SH3TC1: variants seen among roughly 807,000 people sequenced by gnomAD.
The protein encoded by SH3TC1 is SH3 domain and tetratricopeptide repeats 1, also known as SH3 domain and tetratricopeptide repeat-containing protein 1.
In SH3TC1, 135 loss-of-function variants were observed where a neutral mutation model predicts 117.3. That is an observed-to-expected ratio of 1.15 (90% CI 1.00 to 1.33). The LOEUF is 1.33. Ranked by LOEUF, SH3TC1 falls within the 40% of genes most tolerant of loss-of-function variation. The pLI is 0.00. For synonymous variants in SH3TC1, 898 were observed against 816.9 expected (o/e 1.10, Z -1.69); for missense variants, 2,092 against 1,794.3 (o/e 1.17, Z -3.00).
At position 8,227,907 on chromosome 4, in the gene SH3TC1, G is replaced by A. The variant is rs150708538; in HGVS notation, c.2213G>A (p.Arg738Gln). 19 of 1,612,632 alleles carry A rather than the reference G, an allele frequency of 1.2e-5. No homozygotes were observed. Among genetic ancestry groups the A allele is most frequent in the Non-Finnish European group, 1.4e-5 (17 of 1,179,970 alleles). Residue 738 changes from arginine (R) to glutamine (Q), a missense_variant, in exon 12 of 18, where the codon CGG becomes CAG. By Grantham distance (43) the Arg-to-Gln change is conservative. Coordinates refer to ENST00000245105, the MANE Select transcript of SH3TC1 (RefSeq NM_018986.5). ...GTCAAGGTGGCCTCATTGCGGACAC[G>A]GGGCTCGCTGGCCGGCTCGCTGAGG... ...SCVKVASLRT[R>Q]GSLAGSLRSV...
chr4:8,233,179 CT>C, intron 13 of SH3TC1, 183 bp from the exon 14 acceptor site: 1 of 1,398,048 alleles, frequency 7.2e-7, no homozygotes, highest in Non-Finnish European at 9.3e-7. Flanking sequence ...TGTCCTTCGT[CT>C]TTTCCTTGCC....
chr4:8,234,158 ATCCT>A (rs1441181637), intron 14 of SH3TC1, among the ~76,000 whole-genome samples: 8 of 69,264 alleles, frequency 1.2e-4, no homozygotes, highest in East Asian at 3.6e-4. Context: ...CCATCCATCC[ATCCT>A]TCCATCATCC....
At chr4:8,191,592 A>G (rs1717417233) in intron 1 of SH3TC1, among the ~76,000 whole-genome samples, 1 of 151,876 alleles carries the variant, frequency 6.6e-6, no homozygotes, top group African/African-American at 2.4e-5. Flanking sequence ...CCGGGGGATG[A>G]CTCATCATGC....
At chr4:8,191,655 C>A (rs1021471417) in intron 1 of SH3TC1, among the ~76,000 whole-genome samples, 2 of 152,188 alleles carry the variant, frequency 1.3e-5, no homozygotes, top group African/African-American at 4.8e-5. Flanking sequence ...CTTATCATGC[C>A]GGCCCGGATA....
In SH3TC1 at chr4:8,209,840, T is replaced by C. The variant is rs756288274; in HGVS notation, c.247+18T>C. The stretch of plus-strand genomic sequence containing the variant: ...TCCCACAGGTAAACATCCTGGGCCC[T>C]ACACAGGGCTTCAGGTTCAAATCCG... On this transcript the variant is annotated intron_variant, in intron 3 of 17. Coordinates refer to ENST00000245105, the MANE Select transcript of SH3TC1 (RefSeq NM_018986.5). This position sits in a 1 kb window ranked among gnomAD's most constrained non-coding sequence, Gnocchi z 5.9. 2.0e-5 allele frequency: 33 copies of C among 1,610,286 alleles called. No individual in the cohort carries two copies. The South Asian group carries it at 2.4e-4, about 12-fold the overall frequency.
At chr4:8,221,494 G>A (rs904629621) in intron 9 of SH3TC1, among the ~76,000 whole-genome samples, 10 of 151,528 alleles carry the variant, frequency 6.6e-5, no homozygotes, top group African/African-American at 2.4e-4. Context: ...AGACTTAGAA[G>A]AAAGTTGCAA....
chr4:8,205,778 G>A lies in SH3TC1; in HGVS notation c.172+412G>A. 1 of 636,430 alleles carries A rather than the reference G, an allele frequency of 1.6e-6. No homozygotes were observed. The highest frequency in any genetic ancestry group is 2.9e-6 in the Non-Finnish European group (1 of 349,956). 39.4% of individuals were successfully genotyped at this position (636,430 alleles called of 1,614,324 possible). A position where few individuals can be genotyped will look rare whatever the true frequency, so the allele number is the denominator to read the frequency against. On this transcript the variant is annotated intron_variant, in intron 2 of 17. Transcript: ENST00000245105. This position sits in a 1 kb window ranked among gnomAD's most constrained non-coding sequence, Gnocchi z 5.4. ...TGCAGAGAGGGAAGGGCCGGGCCAG[G>A]CCACCCTGTGGTCAGGGGCCGGGCC...
chr4:8,218,372 T>G (rs1719528154), intron 8 of SH3TC1, 25 bp downstream of exon 8: 1 of 1,582,106 alleles, frequency 6.3e-7, no homozygotes, highest in Non-Finnish European at 8.7e-7. Flanking sequence ...GGGCCTCTCT[T>G]TTTTGGGGAA....
chr4:8,231,067 C>A (rs1353838759), intron 12 of SH3TC1: 1 of 152,332 alleles, frequency 6.6e-6, no homozygotes, highest in East Asian at 1.9e-4. Context: ...CAGGCATGAG[C>A]CATTGCTCTG....
In SH3TC1 at chr4:8,205,072, G is replaced by GCTGGTGTT; in HGVS notation, c.-28-92_-28-85dup. 1 of 1,020,072 alleles carries GCTGGTGTT rather than the reference G, an allele frequency of 9.8e-7. No individual in the cohort carries two copies. Among genetic ancestry groups the GCTGGTGTT allele is most frequent in the South Asian group, 2.0e-5 (1 of 50,756 alleles). 63.2% of individuals were successfully genotyped at this position (1,020,072 alleles called of 1,614,324 possible). On this transcript the variant is annotated intron_variant, in intron 1 of 17. Coordinates refer to ENST00000245105, the MANE Select transcript of SH3TC1 (RefSeq NM_018986.5). The surrounding 1 kb of genome is among the most constrained non-coding windows in gnomAD (Gnocchi z 5.4). Reference sequence around the variant, plus strand: ...CTGAAAGGTGCAGGCGCTCAGCAACGCTGGTGTTCTCTTTCTGGACCCCAG... The same window carrying GCTGGTGTT: ...CTGAAAGGTGCAGGCGCTCAGCAACGCTGGTGTTCTGGTGTTCTCTTTCTGGACCCCAG...
At position 8,217,043 on chromosome 4, in the gene SH3TC1, C is replaced by A. The variant is rs1719355781; in HGVS notation, c.715C>A (p.Gln239Lys). The change falls in exon 7 of 18, where the codon CAG becomes AAG. Residue 239 changes from glutamine to lysine, a missense_variant. Physicochemically the swap from Gln to Lys is moderately conservative, Grantham distance 53 (BLOSUM62 1). Transcript: ENST00000245105. ...AGGAAATGGCCCCCAGGCCCTCAGGCAGGCTTCGGGGGCACCCCAGGGAGA... is the reference window on the plus strand; with the variant it reads ...AGGAAATGGCCCCCAGGCCCTCAGGAAGGCTTCGGGGGCACCCCAGGGAGA... ...DAGNGPQALR[Q>K]ASGAPQGEAA... 6.2e-7 allele frequency: 1 copy of A among 1,613,328 alleles called. No individual in the cohort carries two copies. Among genetic ancestry groups the A allele is most frequent in the Non-Finnish European group, 8.5e-7 (1 of 1,179,642 alleles).
chr4:8,185,500 T>A (rs1006968393), intron 1 of SH3TC1, among the ~76,000 whole-genome samples: 1 of 151,964 alleles, frequency 6.6e-6, no homozygotes, highest in Non-Finnish European at 1.5e-5. Context: ...CTGTTGCCAA[T>A]GCATTCATCC....
chr4:8,195,577 C>CG (rs1717534063), upstream of SH3TC1, among the ~76,000 whole-genome samples: 1 of 152,180 alleles, frequency 6.6e-6, no homozygotes, highest in African/African-American at 2.4e-5. Flanking sequence ...AAACAGGATA[C>CG]GGGGTCTCCA....
At chr4:8,199,262 C>T (rs2152975968), upstream of SH3TC1, 1 of 152,416 alleles carries the variant, frequency 6.6e-6, no homozygotes, top group Admixed American at 6.5e-5. Flanking sequence ...TGCAGTCAGC[C>T]TGGCTGTGGG....
At chr4:8,234,160 C>G (rs548779477) in intron 14 of SH3TC1, among the ~76,000 whole-genome samples, 4 of 72,918 alleles carry the variant, frequency 5.5e-5, no homozygotes, top group Admixed American at 5.2e-4. Context: ...ATCCATCCAT[C>G]CTTCCATCAT....
At chr4:8,233,127 CCCAG>C (rs1391708283) in intron 13 of SH3TC1, 1 of 1,358,654 alleles carries the variant, frequency 7.4e-7, no homozygotes, top group Non-Finnish European at 9.5e-7. Flanking sequence ...AGCACGCTCC[CCCAG>C]CCACAGGGCA....
At chr4:8,215,558 G>A (rs987375318) in intron 5 of SH3TC1, among the ~76,000 whole-genome samples, 6 of 152,186 alleles carry the variant, frequency 3.9e-5, no homozygotes, top group Admixed American at 6.5e-5. Context: ...TCCACTCTAC[G>A]CTGAGTGTGG....
In SH3TC1 at chr4:8,237,591, C is replaced by G. The variant is rs191214030; in HGVS notation, c.3674C>G (p.Pro1225Arg). The change falls in exon 17 of 18, where the codon CCG becomes CGG. Residue 1225 changes from proline to arginine, a missense_variant. By Grantham distance (103) the Pro-to-Arg change is moderately radical. Transcript: ENST00000245105. ...YLKALSLCNS[P>R]LEFDEETLYY... ...AAGGCCCTGTCGCTCTGCAACTCGC[C>G]GCTGGAGTTTGACGAGGAGACCCTC... 1.2e-5 allele frequency: 19 copies of G among 1,612,384 alleles called. No individual in the cohort carries two copies. The highest frequency in any genetic ancestry group is 1.7e-5 in the Admixed American group (1 of 59,888).
chr4:8,234,282 T>A (rs1197138995), intron 14 of SH3TC1, among the ~76,000 whole-genome samples: 1 of 151,810 alleles, frequency 6.6e-6, no homozygotes, highest in East Asian at 1.9e-4. Context: ...CATTTATCCA[T>A]CCATCATTCA....
Sources: gnomAD v4.1 joint callset for allele counts (sites outside exome capture counted in the v4.1 genomes callset) on GRCh38, gnomAD v4.1.1 for gene constraint, Gnocchi (gnomAD v3.1) non-coding constraint, MANE v1.5 for transcripts, NCBI Gene and HGNC (gene_info 2026-07-23, HGNC 2026-07-21) for gene names.